Variants in RIT2 observed in about 807,000 individuals in gnomAD.
RIT2 encodes GTP-binding protein Rit2.
A neutral mutation model predicts 23.7 loss-of-function variants in RIT2; 24 were observed. That is an observed-to-expected ratio of 1.01 (90% CI 0.73 to 1.43). The LOEUF is 1.43. Ranked by LOEUF, RIT2 falls within the 40% of genes most tolerant of loss-of-function variation. The pLI, the probability that RIT2 is intolerant of heterozygous loss-of-function variation, is 0.00. For synonymous variants in RIT2, 107 were observed against 91.1 expected (o/e 1.17, Z -0.99); for missense variants, 236 against 266.9 (o/e 0.88, Z 0.81).
chr18:43,085,338 G>C (rs752846188), intron 1 of RIT2, among the ~76,000 whole-genome samples: 20 of 151,744 alleles, frequency 1.3e-4, no homozygotes, highest in Admixed American at 2.6e-4. Flanking sequence ...ACCTTATTGG[G>C]TTTTTTTGTA....
intron 1 of RIT2, among the ~76,000 whole-genome samples, chr18:43,096,170 T>G (rs964644237): frequency 6.6e-6 from 1 of 151,892 alleles, no homozygotes; most frequent in Non-Finnish European, 1.5e-5. Context: ...CCTGAGAGTC[T>G]GTTAAGAAAT....
Position 42,863,474 on chromosome 18 carries a change from G to A in RIT2, c.426+60098C>T, listed in dbSNP as rs1907384568. On this transcript the variant is annotated intron_variant, in intron 4 of 4. Transcript: ENST00000326695. The stretch of plus-strand genomic sequence containing the variant: ...TTTTCTTTGTGGTATTTTTACCAGT[G>A]AAGAAGAAAATTCTCCCACTACACC... Among the ~76,000 whole-genome samples, 5 of 152,076 alleles carry A rather than the reference G, an allele frequency of 3.3e-5. No individual in the cohort carries two copies. In the South Asian group the frequency reaches 1.0e-3, roughly 32 times the overall value.
At chr18:43,017,879 A>G (rs895779419) in intron 2 of RIT2, among the ~76,000 whole-genome samples, 2 of 152,050 alleles carry the variant, frequency 1.3e-5, no homozygotes, top group Non-Finnish European at 2.9e-5. Flanking sequence ...GCTGGCCATT[A>G]GTTTTAGAAG....
chr18:43,064,432 CT>C (rs1224272124), intron 1 of RIT2, among the ~76,000 whole-genome samples: 1 of 152,102 alleles, frequency 6.6e-6, no homozygotes, highest in East Asian at 1.9e-4. Flanking sequence ...TGACAAATTT[CT>C]TTTTACATCC....
chr18:43,081,415 C>T (rs1220550264), intron 1 of RIT2, among the ~76,000 whole-genome samples: 2 of 152,098 alleles, frequency 1.3e-5, no homozygotes, highest in Non-Finnish European at 2.9e-5. Context: ...CAATCCATCT[C>T]AGTAAACTAT....
chr18:42,936,876 G>T (rs1909472733), intron 3 of RIT2, among the ~76,000 whole-genome samples: 1 of 152,056 alleles, frequency 6.6e-6, no homozygotes, highest in Non-Finnish European at 1.5e-5. Flanking sequence ...GCCGGGCTTT[G>T]TGGTGCATGC....
chr18:42,983,728 T>A (rs576803471), intron 2 of RIT2, among the ~76,000 whole-genome samples: 282 of 152,172 alleles, frequency 1.9e-3, no homozygotes, highest in Middle Eastern at 3.4e-3. Context: ...AAATATTACA[T>A]ATAGATGGCA....
chr18:43,021,387 T>C (rs1466569297), intron 2 of RIT2, among the ~76,000 whole-genome samples: 2 of 151,968 alleles, frequency 1.3e-5, no homozygotes, highest in African/African-American at 2.4e-5. Flanking sequence ...AAATAACAGA[T>C]CCCGGCAAGG....
intron 4 of RIT2, among the ~76,000 whole-genome samples, chr18:42,812,049 T>A (rs576677177): frequency 6.6e-6 from 1 of 152,110 alleles, no homozygotes; most frequent in African/African-American, 2.4e-5. Flanking sequence ...GCAAGATGTA[T>A]GGTAAGTGAG....
chr18:42,933,161 GC>G (rs1909368890), intron 3 of RIT2, among the ~76,000 whole-genome samples: 1 of 151,902 alleles, frequency 6.6e-6, no homozygotes, highest in Non-Finnish European at 1.5e-5. Context: ...ACTTTGATGT[GC>G]TAACTCTATG....
intron 1 of RIT2, among the ~76,000 whole-genome samples, chr18:43,045,862 G>T (rs1247062440): frequency 6.6e-6 from 1 of 151,840 alleles, no homozygotes; most frequent in East Asian, 1.9e-4. Flanking sequence ...GAAAATGGAG[G>T]ATGCACCATA....
At chr18:42,805,434 A>G (rs947147006) in intron 4 of RIT2, among the ~76,000 whole-genome samples, 1 of 152,190 alleles carries the variant, frequency 6.6e-6, no homozygotes, top group Non-Finnish European at 1.5e-5. Flanking sequence ...AGCCTTTCCA[A>G]GTGATTATGG....
chr18:42,977,438 T>C (rs1758774799), intron 2 of RIT2, among the ~76,000 whole-genome samples: 1 of 152,038 alleles, frequency 6.6e-6, no homozygotes. Context: ...CACAACTCAA[T>C]AATTATTCAT....
chr18:43,002,421 C>A (rs1289606169), intron 2 of RIT2, among the ~76,000 whole-genome samples: 1 of 151,902 alleles, frequency 6.6e-6, no homozygotes, highest in Non-Finnish European at 1.5e-5. Flanking sequence ...CACCCAGGAA[C>A]AATACTTTGC....
chr18:42,933,898 A>G (rs929672441), intron 3 of RIT2, among the ~76,000 whole-genome samples: 3 of 151,772 alleles, frequency 2.0e-5, no homozygotes, highest in African/African-American at 7.3e-5. Flanking sequence ...CATGCCTGTA[A>G]TCCCAGCTAC....
intron 4 of RIT2, among the ~76,000 whole-genome samples, chr18:42,887,439 C>A (rs1908051281): frequency 6.6e-6 from 1 of 152,094 alleles, no homozygotes; most frequent in South Asian, 2.1e-4. Context: ...AGACTTCAGG[C>A]TTAGGTAATG....
At chr18:42,778,111 T>G (rs1913717663) in intron 4 of RIT2, among the ~76,000 whole-genome samples, 1 of 152,084 alleles carries the variant, frequency 6.6e-6, no homozygotes, top group African/African-American at 2.4e-5. Context: ...GCTGTGCTTT[T>G]AGAGCAAAGG....
chr18:42,852,815 T>C (rs915245441), intron 4 of RIT2, among the ~76,000 whole-genome samples: 2,867 of 111,318 alleles, frequency 0.026, 100 homozygotes, highest in African/African-American at 0.089. Context: ...CTCCCTCCCT[T>C]CCTTCCTTCC....
intron 1 of RIT2, among the ~76,000 whole-genome samples, chr18:43,080,981 G>A (rs952139990): frequency 3.9e-5 from 6 of 152,176 alleles, no homozygotes; most frequent in African/African-American, 1.4e-4. Context: ...TGGGGCGAAC[G>A]TCAACAGATG....
Sources: allele counts gnomAD v4.1 joint callset (sites outside exome capture counted in the v4.1 genomes callset), GRCh38; gene constraint gnomAD v4.1.1; transcripts MANE v1.5; gene names NCBI Gene and HGNC (gene_info 2026-07-23, HGNC 2026-07-21).